RIPOR2: variants seen among roughly 807,000 people sequenced by gnomAD.
RIPOR2 encodes rho family-interacting cell polarization regulator 2.
Under a neutral mutation model 114.5 loss-of-function variants are expected in RIPOR2, and 39 were observed. The observed-to-expected ratio is 0.34, with a 90% CI of 0.26 to 0.44. The LOEUF (loss-of-function observed/expected upper bound fraction) is 0.44, where lower values mean the gene tolerates loss of function less well. Ranked by LOEUF, RIPOR2 falls within the 20% of genes least tolerant of loss-of-function variation. The probability of loss-of-function intolerance (pLI) is 1.00; values close to 1 mark genes in which losing one functional copy is unlikely to be tolerated. For missense variants in RIPOR2, 1,007 were observed against 1,255.1 expected (o/e 0.80, Z 2.99); for synonymous variants, 445 against 484.4 (o/e 0.92, Z 1.07).
intron 1 of RIPOR2, among the ~76,000 whole-genome samples, chr6:25,025,757 G>GT (rs1179479225): frequency 6.6e-6 from 1 of 152,134 alleles, no homozygotes; most frequent in Non-Finnish European, 1.5e-5. Context: ...GGAAAACATT[G>GT]TTTTTTCACT....
At chr6:24,913,735 TTC>T (rs1190227037) in intron 1 of RIPOR2, among the ~76,000 whole-genome samples, 2 of 152,182 alleles carry the variant, frequency 1.3e-5, no homozygotes, top group Non-Finnish European at 2.9e-5. Context: ...CTTGCGCCCA[TTC>T]TCTCTCTTAT....
chr6:24,841,614 C>T (rs1334606888), intron 13 of RIPOR2, among the ~76,000 whole-genome samples: 1 of 77,448 alleles, frequency 1.3e-5, no homozygotes, highest in Admixed American at 2.0e-4. Flanking sequence ...AAACAATCAC[C>T]ATATTTTTTT....
chr6:25,023,070 C>T (rs1278841874), intron 1 of RIPOR2, among the ~76,000 whole-genome samples: 1 of 152,080 alleles, frequency 6.6e-6, no homozygotes, highest in Non-Finnish European at 1.5e-5. Context: ...CCACCCTTCC[C>T]TTTAATGACG....
chr6:24,843,476 G>T lies in RIPOR2; in HGVS notation c.1243C>A (p.Leu415Met). The change falls in exon 13 of 22, where the codon CTG becomes ATG. Residue 415 changes from leucine (L) to methionine (M), a missense_variant. Transcript: ENST00000643898. ...GTGAGGGCGCAGTCCCCGTTGGGCA[G>T]GTCACTGAAGCTGAGCGACAGTGGC... ...KMPLSLSFSD[L>M]PNGDCALTSH... 1 of 1,592,266 alleles carries T rather than the reference G, an allele frequency of 6.3e-7. No individual in the cohort carries two copies. Among genetic ancestry groups the T allele is most frequent in the Non-Finnish European group, 8.6e-7 (1 of 1,164,956 alleles).
intron 1 of RIPOR2, among the ~76,000 whole-genome samples, chr6:24,928,907 C>T (rs898100865): frequency 6.6e-6 from 1 of 152,276 alleles, no homozygotes; most frequent in African/African-American, 2.4e-5. Context: ...CTTTACCCAC[C>T]CCAAAAAGTT....
chr6:24,962,200 T>G (rs393228), intron 1 of RIPOR2, among the ~76,000 whole-genome samples: 120,918 of 152,152 alleles, frequency 0.79, 51,606 homozygotes, highest in East Asian at 0.96. Context: ...GACCACCAGA[T>G]TAAGAAAAGT....
In RIPOR2 at chr6:25,019,401, A is replaced by G. The variant is rs1776182440; in HGVS notation, c.76+22450T>C. On this transcript the variant is annotated intron_variant, in intron 1 of 13. Transcript: ENST00000510784. ...ATTTATACTCTAGGATCAAACATAA[A>G]GCAGCCTTTTCTATGAAAATAATCA... Among the ~76,000 whole-genome samples, 3 of 152,246 alleles carry G rather than the reference A, an allele frequency of 2.0e-5. No homozygotes were observed. The South Asian group carries it at 6.2e-4, about 31-fold the overall frequency.
At chr6:24,966,573 T>C (rs1773538828) in intron 1 of RIPOR2, among the ~76,000 whole-genome samples, 1 of 152,210 alleles carries the variant, frequency 6.6e-6, no homozygotes, top group Non-Finnish European at 1.5e-5. Flanking sequence ...CTGTAATCAT[T>C]GGCATTGTGC....
chr6:24,917,720 G>A lies in RIPOR2; in HGVS notation c.61+18118C>T, dbSNP rs145035830. Among the ~76,000 whole-genome samples, 1,110 of 152,174 alleles carry A rather than the reference G, an allele frequency of 7.3e-3. 15 individuals are homozygous for A. The highest frequency in any genetic ancestry group is 0.025 in the African/African-American group (1,035 of 41,512). On this transcript the variant is annotated intron_variant, in intron 1 of 21. Coordinates refer to ENST00000643898, the MANE Select transcript of RIPOR2 (RefSeq NM_001286445.3). ...AATGTTTTGTATTTTTAGTAGAGAC[G>A]AGGTTTCAACATGTTGGCCAGGCTG...
intron 6 of RIPOR2, 117 bp from the exon 7 acceptor site, chr6:24,865,567 A>G (rs1021294442): frequency 9.6e-5 from 80 of 829,992 alleles, no homozygotes; most frequent in Non-Finnish European, 1.3e-4. Flanking sequence ...AGAATCCTGT[A>G]GAAGTATTAT....
chr6:25,021,344 G>A (rs568108583), intron 1 of RIPOR2, among the ~76,000 whole-genome samples: 1 of 143,392 alleles, frequency 7.0e-6, no homozygotes, highest in East Asian at 2.1e-4. Flanking sequence ...GCTCTAAGAA[G>A]AAGGATGATG....
At position 24,883,955 on chromosome 6, in the gene RIPOR2, T is replaced by C. The variant is rs1338795143; in HGVS notation, c.62-8138A>G. On this transcript the variant is annotated intron_variant, in intron 1 of 21. Transcript: ENST00000643898. The surrounding 1 kb of genome is among the most constrained non-coding windows in gnomAD (Gnocchi z 4.1). Reference sequence around the variant, plus strand: ...AAGAGGCATGTGGGCCAGATGTAAATAGCCTGCTATGCAAAATAATTATTT... The same window carrying C: ...AAGAGGCATGTGGGCCAGATGTAAACAGCCTGCTATGCAAAATAATTATTT... Among the ~76,000 whole-genome samples the C allele has an allele frequency of 6.6e-6, 1 of 152,220 alleles. No individual in the cohort carries two copies. Among genetic ancestry groups the C allele is most frequent in the African/African-American group, 2.4e-5 (1 of 41,460 alleles).
intron 1 of RIPOR2, among the ~76,000 whole-genome samples, chr6:25,041,384 A>G (rs1393551181): frequency 6.6e-6 from 1 of 152,242 alleles, no homozygotes; most frequent in Non-Finnish European, 1.5e-5. Flanking sequence ...TTTAAGAAGC[A>G]TACAATTGGG....
At chr6:24,959,774 C>T (rs543094427) in intron 1 of RIPOR2, among the ~76,000 whole-genome samples, 1 of 152,146 alleles carries the variant, frequency 6.6e-6, no homozygotes, top group Non-Finnish European at 1.5e-5. Flanking sequence ...TCCTCTGTTT[C>T]TCCACACACT....
intron 1 of RIPOR2, among the ~76,000 whole-genome samples, chr6:24,918,545 T>C (rs1268981630): frequency 1.3e-5 from 2 of 152,208 alleles, no homozygotes; most frequent in Non-Finnish European, 2.9e-5. Context: ...GTTGGGACCA[T>C]TAACTTCAGG....
At chr6:24,934,218 G>A (rs1196019561) in intron 1 of RIPOR2, among the ~76,000 whole-genome samples, 1 of 152,132 alleles carries the variant, frequency 6.6e-6, no homozygotes, top group Non-Finnish European at 1.5e-5. Flanking sequence ...AAAAGAGTTA[G>A]TATCTAAGTA....
intron 1 of RIPOR2, among the ~76,000 whole-genome samples, chr6:24,890,878 C>A (rs1240362146): frequency 6.6e-6 from 1 of 151,836 alleles, no homozygotes; most frequent in Non-Finnish European, 1.5e-5. Flanking sequence ...TGGTCTCAAA[C>A]TCCTGGGCTC....
intron 1 of RIPOR2, among the ~76,000 whole-genome samples, chr6:25,010,341 C>A (rs1410395125): frequency 6.6e-6 from 1 of 152,076 alleles, no homozygotes; most frequent in Non-Finnish European, 1.5e-5. Flanking sequence ...CCTCTGTCAC[C>A]CCATGAGCTC....
chr6:25,032,332 G>T lies in RIPOR2; in HGVS notation c.76+9519C>A, dbSNP rs148597817. 5.1e-3 allele frequency among the ~76,000 whole-genome samples: 783 copies of T among 152,140 alleles called. 3 individuals carry two copies. Among genetic ancestry groups the T allele is most frequent in the Middle Eastern group, 0.017 (5 of 294 alleles). ...GACTCCGTTTTTCTTGATATTGCCT[G>T]GTTCTTTCTGCAGGCTCAGGCTTTG... is the stretch of plus-strand genomic sequence containing the variant. On this transcript the variant is annotated intron_variant, in intron 1 of 13. Transcript: ENST00000510784.
Sources: allele counts gnomAD v4.1 joint callset (sites outside exome capture counted in the v4.1 genomes callset), GRCh38; gene constraint gnomAD v4.1.1; non-coding constraint Gnocchi (gnomAD v3.1); transcripts MANE v1.5; gene names NCBI Gene and HGNC (gene_info 2026-07-23, HGNC 2026-07-21).